The following COL4A3 variants were observed in gnomAD, a reference collection of about 807,000 sequenced individuals.
The protein encoded by COL4A3 is collagen alpha-3(IV) chain.
In COL4A3, 135 loss-of-function variants were observed where a neutral mutation model predicts 217.4. The observed-to-expected ratio is 0.62, with a 90% CI of 0.54 to 0.72. The LOEUF is 0.72. Among genes scored for constraint, COL4A3 ranks in the 30% least tolerant of loss-of-function variants. The pLI, the probability that COL4A3 is intolerant of heterozygous loss-of-function variation, is 0.00. For synonymous variants in COL4A3, 690 were observed against 736.3 expected (o/e 0.94, Z 1.02); for missense variants, 1,868 against 2,119.9 (o/e 0.88, Z 2.33).
intron 1 of COL4A3, among the ~76,000 whole-genome samples, chr2:227,171,338 T>C (rs112630831): frequency 0.05 from 7,538 of 152,270 alleles, 231 homozygotes; most frequent in Admixed American, 0.087. Flanking sequence ...TTTGAGATAG[T>C]GTATGTAAAT....
intron 30 of COL4A3, 117 bp from the exon 31 acceptor site, chr2:227,280,776 G>T (rs1006989073): frequency 1.5e-5 from 15 of 997,832 alleles, no homozygotes; most frequent in Admixed American, 4.0e-5. Flanking sequence ...CATATTAATG[G>T]CAGTAAATAT....
intron 39 of COL4A3, 63 bp downstream of exon 39, chr2:227,294,633 T>TACAGAAATCCAAACCTCA: frequency 2.4e-6 from 3 of 1,232,556 alleles, no homozygotes; most frequent in Non-Finnish European, 3.6e-6. Flanking sequence ...TCCTGAGGTT[T>TACAGAAATCCAAACCTCA]GGATTTCTGT....
intron 24 of COL4A3, among the ~76,000 whole-genome samples, 175 bp downstream of exon 24, chr2:227,270,155 A>C (rs1207233930): frequency 6.6e-6 from 1 of 152,248 alleles, no homozygotes; most frequent in Admixed American, 6.5e-5. Context: ...CAATGAATTT[A>C]TAAACAGTTT....
chr2:227,233,896 G>C (rs1362829258), intron 1 of COL4A3, among the ~76,000 whole-genome samples: 1 of 152,112 alleles, frequency 6.6e-6, no homozygotes, highest in Non-Finnish European at 1.5e-5. Flanking sequence ...GGTGTTCTTG[G>C]GGGTGAAAGC....
intron 4 of COL4A3, 60 bp from the exon 5 acceptor site, chr2:227,244,891 G>A (rs1284482656): frequency 1.3e-6 from 2 of 1,490,124 alleles, no homozygotes; most frequent in Admixed American, 1.7e-5. Context: ...TATGTTTATA[G>A]ATTGAACATT....
At chr2:227,200,356 A>G (rs9288619) in intron 1 of COL4A3, among the ~76,000 whole-genome samples, 16,005 of 152,162 alleles carry the variant, frequency 0.11, 1,085 homozygotes, top group Admixed American at 0.16. Flanking sequence ...CTTCCCCATC[A>G]TCCCACGTCA....
chr2:227,296,748 T>C (rs1309333483), intron 41 of COL4A3, among the ~76,000 whole-genome samples: 1 of 152,176 alleles, frequency 6.6e-6, no homozygotes, highest in Non-Finnish European at 1.5e-5. Flanking sequence ...AGCTAAAGGA[T>C]GTGAATAGAC....
intron 25 of COL4A3, among the ~76,000 whole-genome samples, chr2:227,272,183 T>C (rs961118558): frequency 2.0e-5 from 3 of 152,210 alleles, no homozygotes; most frequent in Non-Finnish European, 4.4e-5. Flanking sequence ...AGAATTCTGA[T>C]GGTCTAATAT....
chr2:227,190,046 A>G (rs554932057), intron 1 of COL4A3, among the ~76,000 whole-genome samples: 2 of 152,332 alleles, frequency 1.3e-5, no homozygotes, highest in South Asian at 4.1e-4. Context: ...TGCTTCTACC[A>G]AGAGAAAGGA....
At chr2:227,195,196 TATAA>T (rs1310509316) in intron 1 of COL4A3, among the ~76,000 whole-genome samples, 3 of 152,170 alleles carry the variant, frequency 2.0e-5, no homozygotes, top group Non-Finnish European at 4.4e-5. Flanking sequence ...TACAAATCTT[TATAA>T]ATAGATTTTG....
At position 227,189,040 on chromosome 2, in the gene COL4A3, G is replaced by A. The variant is rs960992368; in HGVS notation, c.87+24227G>A. Among the ~76,000 whole-genome samples the A allele has an allele frequency of 1.8e-4, 27 of 152,162 alleles. 2 individuals are homozygous for A. Among genetic ancestry groups the A allele is most frequent in the Admixed American group, 1.4e-3 (22 of 15,282 alleles). ...AATCTAGCCAGGAAGGATGGGAGGA[G>A]AGACTCTTCCATATACAGAAAACAG... On this transcript the variant is annotated intron_variant, in intron 1 of 51. Coordinates refer to ENST00000396578, the MANE Select transcript of COL4A3 (RefSeq NM_000091.5).
At chr2:227,188,605 G>C (rs72975944) in intron 1 of COL4A3, among the ~76,000 whole-genome samples, 20,626 of 152,070 alleles carry the variant, frequency 0.14, 1,500 homozygotes, top group Admixed American at 0.17. Flanking sequence ...TTTTTAACTT[G>C]TTTAAAACTG....
At chr2:227,197,370 A>G (rs1195747824) in intron 1 of COL4A3, among the ~76,000 whole-genome samples, 1 of 152,108 alleles carries the variant, frequency 6.6e-6, no homozygotes, top group African/African-American at 2.4e-5. Flanking sequence ...GGTGTGTACC[A>G]TCGAGTATGT....
intron 28 of COL4A3, 64 bp downstream of exon 28, chr2:227,277,617 T>A: frequency 2.2e-6 from 2 of 909,418 alleles, no homozygotes; most frequent in Non-Finnish European, 3.5e-6. Context: ...TTCATATGTA[T>A]AAATAAAATG....
In COL4A3 at chr2:227,180,601, A is replaced by G. The variant is rs150537387; in HGVS notation, c.87+15788A>G. ...CTTCATCATGGTCCAGAAGAAAGGCACTGTTGTGACAGTTTTGGGCAAGTC... is the reference window on the plus strand; with the variant it reads ...CTTCATCATGGTCCAGAAGAAAGGCGCTGTTGTGACAGTTTTGGGCAAGTC... On this transcript the variant is annotated intron_variant, in intron 1 of 51. Transcript: ENST00000396578. Among the ~76,000 whole-genome samples the G allele has an allele frequency of 2.5e-3, 383 of 152,310 alleles. 5 individuals are homozygous for G. The highest frequency in any genetic ancestry group is 8.6e-3 in the African/African-American group (358 of 41,570).
At chr2:227,222,558 G>A (rs2067868205) in intron 1 of COL4A3, 1 of 152,192 alleles carries the variant, frequency 6.6e-6, no homozygotes, top group Non-Finnish European at 1.5e-5. Context: ...TGGTGGAGAA[G>A]GCATGTAAAC....
chr2:227,252,307 G>A (rs561502713), intron 11 of COL4A3, among the ~76,000 whole-genome samples: 10 of 145,240 alleles, frequency 6.9e-5, no homozygotes, highest in East Asian at 4.2e-4. Flanking sequence ...TCCATCTCCC[G>A]GGTTCAAGCA....
chr2:227,295,206 C>A, intron 40 of COL4A3, 63 bp from the exon 41 acceptor site: 1 of 1,572,812 alleles, frequency 6.4e-7, no homozygotes, highest in South Asian at 1.1e-5. Context: ...CTAAACTTTT[C>A]TCATAGACAT....
At chr2:227,179,709 G>T (rs1351501591) in intron 1 of COL4A3, among the ~76,000 whole-genome samples, 1 of 152,168 alleles carries the variant, frequency 6.6e-6, no homozygotes, top group African/African-American at 2.4e-5. Flanking sequence ...TATGTGAGGG[G>T]TACAGTGCTA....
Sources: gnomAD v4.1 joint callset for allele counts (sites outside exome capture counted in the v4.1 genomes callset) on GRCh38, gnomAD v4.1.1 for gene constraint, MANE v1.5 for transcripts, NCBI Gene and HGNC (gene_info 2026-07-23, HGNC 2026-07-21) for gene names.